The following ENO4 variants were observed in gnomAD, a reference collection of about 807,000 sequenced individuals.
The protein encoded by ENO4 is enolase 4.
ENO4 carries 53 observed loss-of-function variants against 63.2 expected under a neutral mutation model. The observed-to-expected ratio is 0.84, with a 90% CI of 0.67 to 1.05. ENO4 has a LOEUF of 1.05. ENO4 is among the 50% of genes least tolerant of loss of function. The probability of loss-of-function intolerance (pLI) is 0.00; values close to 1 mark genes in which losing one functional copy is unlikely to be tolerated. For synonymous variants in ENO4, 266 were observed against 283.8 expected (o/e 0.94, Z 0.63); for missense variants, 719 against 772.0 (o/e 0.93, Z 0.81).
At chr10:116,859,166 C>T (rs1411496255) in intron 4 of ENO4, 28 bp downstream of exon 4, 17 of 1,501,102 alleles carry the variant, frequency 1.1e-5, no homozygotes, top group East Asian at 5.0e-5. Context: ...CTTGCAGAGT[C>T]GTTAGTAACA....
chr10:116,877,597 T>C (rs1018673357), intron 11 of ENO4, among the ~76,000 whole-genome samples: 7 of 151,964 alleles, frequency 4.6e-5, no homozygotes, highest in African/African-American at 1.7e-4. Flanking sequence ...GCCAAGCAGG[T>C]TGGCAAGGCA....
downstream of ENO4, chr10:116,884,306 A>G (rs1348052326): frequency 6.6e-6 from 3 of 454,554 alleles, no homozygotes; most frequent in African/African-American, 2.0e-5. Context: ...CAAAGTGAAA[A>G]GGGAAAAACT....
intron 10 of ENO4, among the ~76,000 whole-genome samples, chr10:116,907,077 G>A (rs1847997070): frequency 1.3e-5 from 2 of 152,060 alleles, no homozygotes; most frequent in Non-Finnish European, 2.9e-5. Flanking sequence ...GTGTTGACTG[G>A]GTGGAGAAGA....
chr10:116,849,810 C>A, intron 1 of ENO4, 79 bp downstream of exon 1: 1 of 1,413,492 alleles, frequency 7.1e-7, no homozygotes, highest in Non-Finnish European at 9.5e-7. Flanking sequence ...CTTGCGCCTG[C>A]GCCTGCGCCT....
chr10:116,901,623 C>T (rs1378501597), intron 10 of ENO4: 30 of 1,359,830 alleles, frequency 2.2e-5, no homozygotes, highest in Non-Finnish European at 2.5e-5. Context: ...AATGAAAAAG[C>T]TGGCCCATCA....
intron 1 of ENO4, among the ~76,000 whole-genome samples, chr10:116,852,110 A>G (rs1308788864): frequency 6.6e-6 from 1 of 152,072 alleles, no homozygotes; most frequent in Non-Finnish European, 1.5e-5. Flanking sequence ...ATGAGAGCTG[A>G]TGGTTTTATA....
chr10:116,855,863 A>G, intron 2 of ENO4, 112 bp downstream of exon 2: 1 of 1,221,196 alleles, frequency 8.2e-7, no homozygotes, highest in East Asian at 2.6e-5. Flanking sequence ...TTTGTGAAAT[A>G]TATTTCATAG....
chr10:116,911,381 T>C, intron 10 of ENO4: 3 of 1,333,982 alleles, frequency 2.2e-6, no homozygotes, highest in Non-Finnish European at 3.0e-6. Context: ...ATGAAGCTAT[T>C]TGGGGAGGAA....
rs545218031 is a variant in ENO4 at position 116,891,194 on chromosome 10, C to T, written c.1194+11208C>T. ...ACATTACAGTGAATGAACTTTTAAGCGGTGAGAGTTATTTTATAAAATGCT... is the reference window on the plus strand; with the variant it reads ...ACATTACAGTGAATGAACTTTTAAGTGGTGAGAGTTATTTTATAAAATGCT... On this transcript the variant is annotated intron_variant, in intron 10 of 10. Transcript: ENST00000369207. Among the ~76,000 whole-genome samples the T allele has an allele frequency of 9.6e-4, 146 of 152,270 alleles. 2 individuals are homozygous for T. In the South Asian group the frequency reaches 0.028, roughly 30 times the overall value.
chr10:116,908,016 G>A, intron 10 of ENO4: 1 of 456,422 alleles, frequency 2.2e-6, no homozygotes, highest in Non-Finnish European at 4.4e-6. Context: ...ACAAAAAAAA[G>A]GTGCTTGTAA....
chr10:116,851,156 C>T (rs1846071673), intron 1 of ENO4, among the ~76,000 whole-genome samples: 1 of 152,356 alleles, frequency 6.6e-6, no homozygotes, highest in South Asian at 2.1e-4. Flanking sequence ...TTCTATTAGG[C>T]AGCCAGGATA....
At chr10:116,885,173 T>C (rs1203762492), downstream of ENO4, 1 of 152,640 alleles carries the variant, frequency 6.6e-6, no homozygotes, top group Non-Finnish European at 1.5e-5. Flanking sequence ...TCTTTTGCCC[T>C]TAGGTGAAAA....
At chr10:116,912,233 CAG>C (rs1848227340), downstream of ENO4, among the ~76,000 whole-genome samples, 1 of 152,176 alleles carries the variant, frequency 6.6e-6, no homozygotes, top group Non-Finnish European at 1.5e-5. Flanking sequence ...TGCCAGCAAG[CAG>C]AGACTAGAAA....
chr10:116,881,420 G>A (rs1847004814), intron 13 of ENO4, 95 bp from the exon 14 acceptor site: 2 of 934,580 alleles, frequency 2.1e-6, no homozygotes, highest in Non-Finnish European at 3.1e-6. Context: ...TGACACCTTT[G>A]GACTAGTACT....
chr10:116,856,938 G>T (rs1350099591), intron 3 of ENO4, among the ~76,000 whole-genome samples: 1 of 151,210 alleles, frequency 6.6e-6, no homozygotes, highest in African/African-American at 2.4e-5. Context: ...GCAGTGAGCT[G>T]AGATCGCGCC....
At chr10:116,879,754 T>C (rs1043188939) in intron 12 of ENO4, 115 bp from the exon 13 acceptor site, 2 of 795,384 alleles carry the variant, frequency 2.5e-6, no homozygotes, top group African/African-American at 1.7e-5. Flanking sequence ...AAAAAACTAG[T>C]AAGAGAAAAT....
rs1473023911 is a variant in ENO4, at chr10:116,911,353, G to C, written c.1195-146G>C. On this transcript the variant is annotated intron_variant, in intron 10 of 10. Transcript: ENST00000369207. ...ATAATTGTTTCGACTGTGAGGAAAG[G>C]CAGACTGTGACCCTGATATGAAGCT... 4.8e-6 allele frequency: 5 copies of C among 1,040,360 alleles called. No homozygotes were observed. The East Asian group carries it at 1.4e-4, about 28-fold the overall frequency. 64.4% of individuals were successfully genotyped at this position (1,040,360 alleles called of 1,614,324 possible).
In ENO4 at chr10:116,856,506, G is replaced by A; in HGVS notation, c.309G>A (p.Val103=). The A allele has an allele frequency of 2.0e-6, 3 of 1,535,984 alleles. No homozygotes were observed. Among genetic ancestry groups the A allele is most frequent in the Non-Finnish European group, 2.6e-6 (3 of 1,146,854 alleles). ...ATGATTTTCAGAACGTATGTTCTGT[G>A]GTGATCTCGACTCATTTTGAAGTCC... ...IQNFPKNVCS[V]VISTHFEVHE... is the part of the protein sequence containing the mutation. Residue 103 remains valine (V), a synonymous_variant, in exon 3 of 14, where the codon GTG becomes GTA. Coordinates refer to ENST00000341276, the MANE Select transcript of ENO4 (RefSeq NM_001242699.2).
intron 9 of ENO4, among the ~76,000 whole-genome samples, chr10:116,872,149 A>T (rs1314124511): frequency 6.6e-6 from 1 of 152,202 alleles, no homozygotes; most frequent in African/African-American, 2.4e-5. Context: ...GTGAGCCAAG[A>T]TCGTGCCATT....
Sources: gnomAD v4.1 joint callset for allele counts (sites outside exome capture counted in the v4.1 genomes callset) on GRCh38, gnomAD v4.1.1 for gene constraint, MANE v1.5 for transcripts, NCBI Gene and HGNC (gene_info 2026-07-23, HGNC 2026-07-21) for gene names.